Variants in PLXNB3 observed in about 807,000 individuals in gnomAD.
PLXNB3 encodes plexin B3.
A neutral mutation model predicts 125.7 loss-of-function variants in PLXNB3; 80 were observed. That is an observed-to-expected ratio of 0.64 (90% CI 0.53 to 0.77). The LOEUF (loss-of-function observed/expected upper bound fraction) is 0.77, where lower values mean the gene tolerates loss of function less well. PLXNB3 is among the 30% of genes least tolerant of loss of function. The pLI is 0.00. For synonymous variants in PLXNB3, 954 were observed against 783.3 expected (o/e 1.22, Z -3.64); for missense variants, 1,836 against 1,729.3 (o/e 1.06, Z -1.09).
chrX:153,769,662 T>C (rs2091902066), intron 6 of PLXNB3, 145 bp from the exon 7 acceptor site: 1 of 634,972 alleles, frequency 1.6e-6, no homozygotes. Context: ...CTTGGCCCCT[T>C]TCTCTCTGGA....
At position 153,769,826 on chromosome X, in the gene PLXNB3, T is replaced by G; in HGVS notation, c.1516T>G (p.Cys506Gly). 2 of 1,203,700 alleles carry G rather than the reference T, an allele frequency of 1.7e-6. No homozygotes were observed. The highest frequency in any genetic ancestry group is 3.5e-5 in the African/African-American group (2 of 57,775). ...LQGRCTRKGQ[C>G]GRAGQLNQWL... ...TGGCAGGTGTACCCGGAAGGGCCAG[T>G]GCGGGCGGGCAGGCCAGCTGAACCA... is the stretch of plus-strand genomic sequence containing the variant. Residue 506 changes from cysteine to glycine, a missense_variant, in exon 7 of 36, where the codon TGC becomes GGC. Coordinates refer to ENST00000361971, the MANE Select transcript of PLXNB3 (RefSeq NM_005393.3).
At position 153,778,105 on chromosome X, in the gene PLXNB3, G is replaced by C; in HGVS notation, c.5409+10G>C. The C allele has an allele frequency of 1.7e-6, 2 of 1,211,575 alleles. No homozygotes were observed. Among genetic ancestry groups the C allele is most frequent in the Non-Finnish European group, 2.2e-6 (2 of 895,399 alleles). On this transcript the variant is annotated intron_variant, in intron 32 of 35. Coordinates refer to ENST00000361971, the MANE Select transcript of PLXNB3 (RefSeq NM_005393.3). ...GCATAAAGTGGGCCGGGTGAGAGCA[G>C]TGCCAGCAGCAGCAGCTGGCAGGGG... is the stretch of plus-strand genomic sequence containing the variant.
Position 153,767,401 on chromosome X carries a change from C to G in PLXNB3, c.574C>G (p.Leu192Val). 2 of 1,185,150 alleles carry G rather than the reference C, an allele frequency of 1.7e-6. No individual in the cohort carries two copies. Among genetic ancestry groups the G allele is most frequent in the Non-Finnish European group, 1.1e-6 (1 of 881,483 alleles). ...GGACCTCCTGCTTGTGGCCAGAGGC[C>G]TGGCGGGCAAGCTGTCGGCAGGGGT... ...GRDLLLVARG[L>V]AGKLSAGVPP... The change falls in exon 3 of 36, where the codon CTG (leucine) becomes GTG (valine). Residue 192 changes from leucine to valine, a missense_variant. Coordinates refer to ENST00000361971, the MANE Select transcript of PLXNB3 (RefSeq NM_005393.3).
At chrX:153,766,118 T>A in intron 2 of PLXNB3, 1 of 1,087,034 alleles carries the variant, frequency 9.2e-7, no homozygotes, top group Non-Finnish European at 1.2e-6. Context: ...CCCGCACCCC[T>A]GAAGCCTGTG....
intron 26 of PLXNB3, 35 bp downstream of exon 26, chrX:153,775,695 A>C: frequency 8.5e-7 from 1 of 1,170,762 alleles, no homozygotes; most frequent in Non-Finnish European, 1.2e-6. Flanking sequence ...CCCAGCCCTG[A>C]GTGGCAGACT....
At chrX:153,774,613 T>TG (rs1471927672) in intron 22 of PLXNB3, 42 bp downstream of exon 22, 1 of 1,166,520 alleles carries the variant, frequency 8.6e-7, no homozygotes, top group Non-Finnish European at 1.1e-6. Flanking sequence ...TCCTCGCCAT[T>TG]GGCAAGGGCG....
At chrX:153,770,730 G>A (rs782719073) in intron 10 of PLXNB3, 28 bp from the exon 11 acceptor site, 3 of 1,204,603 alleles carry the variant, frequency 2.5e-6, no homozygotes, top group South Asian at 1.8e-5. Context: ...TTTGAGTTCT[G>A]AAGGGCTGAG....
rs151079204 is a variant in PLXNB3 at position 153,771,393 on chromosome X, T to C, written c.2337T>C (p.His779=). Residue 779 remains histidine (H), a synonymous_variant, in exon 13 of 36, where the codon CAT becomes CAC. Coordinates refer to ENST00000361971, the MANE Select transcript of PLXNB3 (RefSeq NM_005393.3). ...AAGCCCAGAGGCTGGACAACACCCATGCTCTTTATGGTGAGCCTGAGGGCA... is the reference window on the plus strand; with the variant it reads ...AAGCCCAGAGGCTGGACAACACCCACGCTCTTTATGGTGAGCCTGAGGGCA... ...QGEAQRLDNT[H]ALYVILYDCA... 2,553 of 1,208,262 alleles carry C rather than the reference T, an allele frequency of 2.1e-3. 8 individuals carry two copies. Among genetic ancestry groups the C allele is most frequent in the Non-Finnish European group, 1.5e-3 (1,306 of 893,465 alleles).
chrX:153,770,150 CGTT>C lies in PLXNB3; in HGVS notation c.1689_1691del (p.Phe564del). ...GATGCAGATGAATACTTCCATTGTGCGTTCGGGGACTATGACAGCTTGGCTCAT... is the reference window on the plus strand; with the variant it reads ...GATGCAGATGAATACTTCCATTGTGCCGGGGACTATGACAGCTTGGCTCAT... On this transcript the variant is annotated inframe_deletion, in exon 8 of 36. Transcript: ENST00000361971. 2 of 1,211,081 alleles carry C rather than the reference CGTT, an allele frequency of 1.7e-6. No individual in the cohort carries two copies. The highest frequency in any genetic ancestry group is 2.2e-6 in the Non-Finnish European group (2 of 895,222).
chrX:153,778,525 A>G, intron 34 of PLXNB3, 54 bp downstream of exon 34: 2 of 1,184,035 alleles, frequency 1.7e-6, no homozygotes, highest in Middle Eastern at 4.7e-4. Context: ...AAAGACTAGC[A>G]GAGCAGAGGG....
At chrX:153,772,692 G>A in intron 16 of PLXNB3, 194 bp from the exon 17 acceptor site, 1 of 1,021,847 alleles carries the variant, frequency 9.8e-7, no homozygotes, top group Admixed American at 4.8e-5. Flanking sequence ...TACTCCCCAT[G>A]CGGCAGGGGT....
chrX:153,771,136 G>A (rs782104358), intron 12 of PLXNB3, 55 bp downstream of exon 12: 3 of 1,066,118 alleles, frequency 2.8e-6, no homozygotes, highest in Non-Finnish European at 2.6e-6. Context: ...GACCCTCAGG[G>A]GTCTGCCATC....
chrX:153,771,775 G>C (rs1557061985), intron 14 of PLXNB3, 89 bp from the exon 15 acceptor site: 4 of 1,144,302 alleles, frequency 3.5e-6, no homozygotes, highest in Non-Finnish European at 1.2e-6. Context: ...GCTCGGCCTG[G>C]CTGGGCTGGT....
At position 153,778,928 on chromosome X, in the gene PLXNB3, C is replaced by A; in HGVS notation, c.5626-7C>A. 8.7e-7 allele frequency: 1 copy of A among 1,154,736 alleles called. No individual in the cohort carries two copies. On this transcript the variant is annotated splice_polypyrimidine_tract_variant and splice_region_variant and intron_variant, in intron 35 of 35. Coordinates refer to ENST00000361971, the MANE Select transcript of PLXNB3 (RefSeq NM_005393.3). ...GCTCAGACAGGCACCCTCCTCTGCCCGGGCAGATTATCAGTGCCCTGGAGG... is the reference window on the plus strand; with the variant it reads ...GCTCAGACAGGCACCCTCCTCTGCCAGGGCAGATTATCAGTGCCCTGGAGG...
rs1557065613 is a variant in PLXNB3 at position 153,779,063 on chromosome X, C to G, written c.*24C>G. On this transcript the variant is annotated 3_prime_UTR_variant, in exon 36 of 36. Transcript: ENST00000361971. ...GAGCTCTGGCTCAGACAGCAGCAAG[C>G]CGGATCCACCAACACCGCAGCGCCT... 1 of 1,064,790 alleles carries G rather than the reference C, an allele frequency of 9.4e-7. No homozygotes were observed. The highest frequency in any genetic ancestry group is 2.8e-5 in the Admixed American group (1 of 35,283). The allele number at this position is 1,064,790 out of a possible 1,213,427, so 87.8% of individuals were successfully genotyped here. A position where few individuals can be genotyped will look rare whatever the true frequency, so the allele number is the denominator to read the frequency against.
chrX:153,765,507 C>T lies in PLXNB3; in HGVS notation c.-29C>T. The stretch of plus-strand genomic sequence containing the variant: ...CCCGCAGCCATCTCATGCCCATCGC[C>T]ACTGCCCTGGGGCAGCTGAACTGAG... On this transcript the variant is annotated 5_prime_UTR_variant, in exon 2 of 36. Transcript: ENST00000361971. 8.5e-7 allele frequency: 1 copy of T among 1,182,791 alleles called. No homozygotes were observed.
chrX:153,765,534 G>C lies in PLXNB3; in HGVS notation c.-2G>C. On this transcript the variant is annotated 5_prime_UTR_variant, in exon 2 of 36. Transcript: ENST00000361971. ...CTGCCCTGGGGCAGCTGAACTGAGC[G>C]TATGTGCCACGCCGCCCAGGAGACC... 8.4e-7 allele frequency: 1 copy of C among 1,194,659 alleles called. No homozygotes were observed. The highest frequency in any genetic ancestry group is 1.1e-6 in the Non-Finnish European group (1 of 886,965).
At chrX:153,772,400 CTGCATGT>C in intron 16 of PLXNB3, 113 bp downstream of exon 16, 1 of 579,315 alleles carries the variant, frequency 1.7e-6, no homozygotes, top group Non-Finnish European at 2.8e-6. Flanking sequence ...GGAAGCACCG[CTGCATGT>C]CTAGGAGGGA....
Position 153,777,271 on chromosome X carries a change from C to G in PLXNB3, c.4991C>G (p.Thr1664Ser), listed in dbSNP as rs1265472852. 8.3e-6 allele frequency: 10 copies of G among 1,197,837 alleles called. No homozygotes were observed. The highest frequency in any genetic ancestry group is 1.1e-5 in the Non-Finnish European group (10 of 887,599). ...TGCCTCTGGCACCTGGTGAAAGCCA[C>G]CGAGGAGCCAGAAGGGGCCAAGGTG... ...GVCLWHLVKA[T>S]EEPEGAKVRC... is the part of the protein sequence containing the mutation. Residue 1664 changes from threonine to serine, a missense_variant, in exon 30 of 36, where the codon ACC becomes AGC. Transcript: ENST00000361971.
Sources: allele counts gnomAD v4.1 joint callset, GRCh38; gene constraint gnomAD v4.1.1; transcripts MANE v1.5; gene names NCBI Gene and HGNC (gene_info 2026-07-23, HGNC 2026-07-21).